The following TSPEAR variants were observed in gnomAD, a reference collection of about 807,000 sequenced individuals.
TSPEAR encodes thrombospondin type laminin G domain and EAR repeats, also known as thrombospondin-type laminin G domain and EAR repeat-containing protein.
In TSPEAR, 69 loss-of-function variants were observed where a neutral mutation model predicts 71.6. That is an observed-to-expected ratio of 0.96 (90% CI 0.79 to 1.18). The LOEUF (loss-of-function observed/expected upper bound fraction) is 1.18, where lower values mean the gene tolerates loss of function less well. Among genes scored for constraint, TSPEAR ranks in the 50% most tolerant of loss-of-function variants. The probability of loss-of-function intolerance (pLI) is 0.00; values close to 1 mark genes in which losing one functional copy is unlikely to be tolerated. For synonymous variants in TSPEAR, 402 were observed against 387.2 expected (o/e 1.04, Z -0.45); for missense variants, 971 against 894.9 (o/e 1.09, Z -1.09).
rs587679093 is a variant in TSPEAR at position 44,498,711 on chromosome 21, C to G, written c.*1072G>C. On this transcript the variant is annotated 3_prime_UTR_variant, in exon 12 of 12. Coordinates refer to ENST00000323084, the MANE Select transcript of TSPEAR (RefSeq NM_144991.3). ...AAACTCTCTGAGGATCGCTCCTGTT[C>G]CGATTTGTGTTGCAGAAGCAGGAGC... 1 of 152,402 alleles carries G rather than the reference C, an allele frequency of 6.6e-6. No homozygotes were observed. Among genetic ancestry groups the G allele is most frequent in the Admixed American group, 6.5e-5 (1 of 15,300 alleles). 9.4% of individuals were successfully genotyped at this position (152,402 alleles called of 1,614,324 possible).
chr21:44,558,533 G>A (rs199618499), intron 2 of TSPEAR: 2 of 1,613,500 alleles, frequency 1.2e-6, no homozygotes, highest in Non-Finnish European at 8.5e-7. Flanking sequence ...TGGGCTCACA[G>A]GCCGCCTGGC....
chr21:44,685,501 G>T (rs1381230501), intron 1 of TSPEAR, among the ~76,000 whole-genome samples: 3 of 151,818 alleles, frequency 2.0e-5, no homozygotes, highest in Non-Finnish European at 2.9e-5. Flanking sequence ...GAGTAGCTCA[G>T]GCCCTCCTCT....
rs587742550 is a variant in TSPEAR, at chr21:44,623,302, C to T, written c.83-55297G>A. ...TTCATTACTCTAGTGGAGATTACAA[C>T]ATGAATCTATGACTTTTTAAAGTCT... On this transcript the variant is annotated intron_variant, in intron 1 of 11. Coordinates refer to ENST00000323084, the MANE Select transcript of TSPEAR (RefSeq NM_144991.3). The surrounding 1 kb of genome is among the most constrained non-coding windows in gnomAD (Gnocchi z 4.5). 2.6e-5 allele frequency among the ~76,000 whole-genome samples: 4 copies of T among 152,302 alleles called. No individual in the cohort carries two copies. In the East Asian group the frequency reaches 5.8e-4, roughly 22 times the overall value.
intron 1 of TSPEAR, among the ~76,000 whole-genome samples, chr21:44,586,972 C>T (rs782439567): frequency 1.3e-4 from 20 of 152,120 alleles, no homozygotes; most frequent in Non-Finnish European, 2.6e-4. Context: ...CCTCTGAGAA[C>T]TGCAAAAATG....
chr21:44,678,161 T>C, intron 1 of TSPEAR: 1 of 529,970 alleles, frequency 1.9e-6, no homozygotes, highest in Non-Finnish European at 3.4e-6. Context: ...CATGTGTACA[T>C]ATGTCAAGGA....
At chr21:44,637,901 T>C (rs1555937439) in intron 1 of TSPEAR, 1 of 1,533,964 alleles carries the variant, frequency 6.5e-7, no homozygotes, top group South Asian at 1.2e-5. Flanking sequence ...GCCTGTGTGC[T>C]CTGGGGCTTC....
chr21:44,515,149 C>CCAAA (rs1352799795), intron 9 of TSPEAR, among the ~76,000 whole-genome samples: 1 of 152,124 alleles, frequency 6.6e-6, no homozygotes, highest in Non-Finnish European at 1.5e-5. Flanking sequence ...AAAACTCAAA[C>CCAAA]CAAACAGTAA....
chr21:44,499,738 C>T lies in TSPEAR; in HGVS notation c.*45G>A. On this transcript the variant is annotated 3_prime_UTR_variant, in exon 12 of 12. Coordinates refer to ENST00000323084, the MANE Select transcript of TSPEAR (RefSeq NM_144991.3). The stretch of plus-strand genomic sequence containing the variant: ...GGTCAGTTGGGGGAGGTGCTGGGGT[C>T]CCGCCCCACCTGGCCACCCCAGTTG... 2 of 1,517,624 alleles carry T rather than the reference C, an allele frequency of 1.3e-6. No homozygotes were observed. The highest frequency in any genetic ancestry group is 1.2e-5 in the South Asian group (1 of 80,804). The allele number at this position is 1,517,624 out of a possible 1,614,324, so 94.0% of individuals were successfully genotyped here. A position where few individuals can be genotyped will look rare whatever the true frequency, so the allele number is the denominator to read the frequency against.
rs1489045958 is a variant in TSPEAR at position 44,559,684 on chromosome 21, AC to A, written c.303+8100del. Among the ~76,000 whole-genome samples, 7 of 152,088 alleles carry A rather than the reference AC, an allele frequency of 4.6e-5. 1 individual carries two copies. The highest frequency in any genetic ancestry group is 1.7e-4 in the African/African-American group (7 of 41,394). On this transcript the variant is annotated intron_variant, in intron 2 of 11. Coordinates refer to ENST00000323084, the MANE Select transcript of TSPEAR (RefSeq NM_144991.3). ...GATTGCAGAGCCTTGTCTCACAAATACCTATACACCTGTGTGTATCAGCCCA... is the reference window on the plus strand; with the variant it reads ...GATTGCAGAGCCTTGTCTCACAAATACTATACACCTGTGTGTATCAGCCCA...
At chr21:44,641,961 C>T (rs929283351) in intron 1 of TSPEAR, among the ~76,000 whole-genome samples, 12 of 152,148 alleles carry the variant, frequency 7.9e-5, no homozygotes, top group African/African-American at 2.9e-4. Flanking sequence ...TCTTTTCAAA[C>T]GTCCACAAAA....
chr21:44,706,850 C>A (rs1251832986), intron 1 of TSPEAR, among the ~76,000 whole-genome samples: 2 of 152,210 alleles, frequency 1.3e-5, no homozygotes, highest in Non-Finnish European at 2.9e-5. Context: ...TTCGCCAGAG[C>A]CTCCTACGCA....
chr21:44,609,091 T>C (rs1555930377), intron 1 of TSPEAR, among the ~76,000 whole-genome samples: 1 of 152,212 alleles, frequency 6.6e-6, no homozygotes, highest in Non-Finnish European at 1.5e-5. Flanking sequence ...GACATTGTGC[T>C]GAACAAATTG....
intron 1 of TSPEAR, among the ~76,000 whole-genome samples, chr21:44,630,110 C>T (rs1184240700): frequency 6.6e-6 from 1 of 152,134 alleles, no homozygotes; most frequent in Non-Finnish European, 1.5e-5. Flanking sequence ...TTCTTGGAGA[C>T]CTTGATGAGG....
At chr21:44,545,287 C>T (rs2053284363) in intron 2 of TSPEAR, among the ~76,000 whole-genome samples, 1 of 151,414 alleles carries the variant, frequency 6.6e-6, no homozygotes, top group Admixed American at 6.6e-5. Flanking sequence ...CACTGCACTC[C>T]AGCCTGGGTG....
rs200494474 is a variant in TSPEAR, at chr21:44,637,401, C to T, written c.83-69396G>A. On this transcript the variant is annotated intron_variant, in intron 1 of 11. Transcript: ENST00000323084. ...CACTCACACACCTCCCCCAGCTCAC[C>T]GCCTCCCCACTCCAGCATGGCCGCC... 189 of 1,591,716 alleles carry T rather than the reference C, an allele frequency of 1.2e-4. 1 individual carries two copies. The South Asian group carries it at 1.9e-3, about 16-fold the overall frequency.
At chr21:44,508,624 A>G (rs1555912202) in intron 10 of TSPEAR, 2 of 1,182,922 alleles carry the variant, frequency 1.7e-6, no homozygotes, top group Non-Finnish European at 2.1e-6. Flanking sequence ...GTGCCCACGC[A>G]ACCTCCTGTG....
At chr21:44,641,141 C>A (rs1339350223) in intron 1 of TSPEAR, among the ~76,000 whole-genome samples, 1 of 152,148 alleles carries the variant, frequency 6.6e-6, no homozygotes, top group East Asian at 1.9e-4. Flanking sequence ...CAATCTAGAC[C>A]CTCACTTAAA....
In TSPEAR at chr21:44,711,336, G is replaced by C; in HGVS notation, c.82+97C>G. 8.6e-7 allele frequency: 1 copy of C among 1,157,506 alleles called. No individual in the cohort carries two copies. The highest frequency in any genetic ancestry group is 1.2e-6 in the Non-Finnish European group (1 of 811,718). 71.7% of individuals were successfully genotyped at this position (1,157,506 alleles called of 1,614,324 possible). ...TGCCAAAGCGTCCTCGGGCACCGCGGCTTGAATCAGTGTTAGAAAGTGGCA... is the reference window on the plus strand; with the variant it reads ...TGCCAAAGCGTCCTCGGGCACCGCGCCTTGAATCAGTGTTAGAAAGTGGCA... On this transcript the variant is annotated intron_variant, in intron 1 of 11. Transcript: ENST00000323084. The surrounding 1 kb of genome is among the most constrained non-coding windows in gnomAD (Gnocchi z 4.5).
chr21:44,499,880 C>A lies in TSPEAR; in HGVS notation c.1913G>T (p.Arg638Met). Reference protein sequence around the residue: ...AVHSLPTVGCRDWEAFSTTAG... With the variant: ...AVHSLPTVGCMDWEAFSTTAG... ...CGTGGTGCTGAAGGCCTCCCAGTCC[C>A]TGCAGCCGACGGTGGGGAGGCTGTG... The change falls in exon 12 of 12, where the codon AGG becomes ATG. Residue 638 changes from arginine (R) to methionine (M), a missense_variant. Coordinates refer to ENST00000323084, the MANE Select transcript of TSPEAR (RefSeq NM_144991.3). 1 of 1,607,034 alleles carries A rather than the reference C, an allele frequency of 6.2e-7. No individual in the cohort carries two copies. The highest frequency in any genetic ancestry group is 1.3e-5 in the African/African-American group (1 of 74,712).
Sources: allele counts gnomAD v4.1 joint callset (sites outside exome capture counted in the v4.1 genomes callset), GRCh38; gene constraint gnomAD v4.1.1; non-coding constraint Gnocchi (gnomAD v3.1); transcripts MANE v1.5; gene names NCBI Gene and HGNC (gene_info 2026-07-23, HGNC 2026-07-21).